The following SYT14 variants were observed in gnomAD, a reference collection of about 807,000 sequenced individuals.
The protein encoded by SYT14 is synaptotagmin-14.
A neutral mutation model predicts 74.2 loss-of-function variants in SYT14; 32 were observed. The ratio of observed to expected loss-of-function variants is 0.43; its 90% CI spans 0.33 to 0.58. SYT14 has a LOEUF of 0.58. SYT14 is among the 20% of genes least tolerant of loss of function. The pLI is 0.05. For missense variants in SYT14, 791 were observed against 981.8 expected, an observed-to-expected ratio of 0.81 and a Z score of 2.60; for synonymous variants, 298 against 337.7, an observed-to-expected ratio of 0.88 and a Z score of 1.29.
chr1:210,091,901 A>AAT (rs2102517838), intron 5 of SYT14, among the ~76,000 whole-genome samples: 2 of 152,310 alleles, frequency 1.3e-5, no homozygotes, highest in African/African-American at 4.8e-5. Context: ...TCTGTGAGGC[A>AAT]ATATGCTCAA....
At chr1:210,018,542 T>C (rs2080235334) in intron 4 of SYT14, among the ~76,000 whole-genome samples, 1 of 152,158 alleles carries the variant, frequency 6.6e-6, no homozygotes, top group Admixed American at 6.5e-5. Flanking sequence ...TGTAAAATAG[T>C]TTACATATTA....
chr1:209,958,799 T>C (rs1187755405), intron 2 of SYT14, among the ~76,000 whole-genome samples: 1 of 152,240 alleles, frequency 6.6e-6, no homozygotes, highest in Non-Finnish European at 1.5e-5. Context: ...TTTCTAGTTA[T>C]ACTTTTTATT....
intron 2 of SYT14, among the ~76,000 whole-genome samples, chr1:209,969,822 T>C (rs1256863572): frequency 6.6e-6 from 1 of 152,170 alleles, no homozygotes; most frequent in Non-Finnish European, 1.5e-5. Flanking sequence ...ATTAGTGATA[T>C]TGACCATTTT....
At chr1:210,091,326 A>G (rs2081862898) in intron 5 of SYT14, among the ~76,000 whole-genome samples, 1 of 152,226 alleles carries the variant, frequency 6.6e-6, no homozygotes, top group Non-Finnish European at 1.5e-5. Context: ...TGGCATATCA[A>G]AAGGAACCTC....
chr1:210,037,105 A>G (rs568774596), intron 5 of SYT14, among the ~76,000 whole-genome samples: 2 of 151,956 alleles, frequency 1.3e-5, no homozygotes, highest in African/African-American at 4.8e-5. Flanking sequence ...GTTCAGTCTC[A>G]CCACTCATTA....
intron 2 of SYT14, among the ~76,000 whole-genome samples, chr1:209,980,101 T>C (rs1207985751): frequency 6.6e-6 from 1 of 152,172 alleles, no homozygotes; most frequent in Non-Finnish European, 1.5e-5. Flanking sequence ...CCTTTTTCTC[T>C]AGAACCATGC....
intron 7 of SYT14, among the ~76,000 whole-genome samples, chr1:210,102,096 AT>A (rs943466289): frequency 5.9e-5 from 9 of 152,014 alleles, no homozygotes; most frequent in Non-Finnish European, 1.0e-4. Context: ...CATAACATTT[AT>A]TTTTTTTAAC....
intron 7 of SYT14, among the ~76,000 whole-genome samples, chr1:210,149,138 G>A (rs1421340414): frequency 6.7e-6 from 1 of 149,172 alleles, no homozygotes; most frequent in Non-Finnish European, 1.5e-5. Context: ...AAGTGCATAT[G>A]TATATATACA....
At chr1:210,134,665 C>A (rs73074132) in intron 7 of SYT14, among the ~76,000 whole-genome samples, 1,801 of 152,156 alleles carry the variant, frequency 0.012, 46 homozygotes, top group African/African-American at 0.041. Context: ...CCTTTCTGCC[C>A]CTACCCCTAA....
At chr1:210,004,256 G>A (rs374705510) in intron 2 of SYT14, among the ~76,000 whole-genome samples, 12 of 151,772 alleles carry the variant, frequency 7.9e-5, no homozygotes, top group South Asian at 4.2e-4. Context: ...TTAATATATT[G>A]AGGTCCTTAG....
chr1:209,976,672 T>G (rs1215517819), intron 2 of SYT14, among the ~76,000 whole-genome samples: 1 of 152,152 alleles, frequency 6.6e-6, no homozygotes, highest in Non-Finnish European at 1.5e-5. Flanking sequence ...GAGAAGAATG[T>G]ATGTTCTGTT....
intron 5 of SYT14, among the ~76,000 whole-genome samples, chr1:210,048,729 C>G (rs1008683418): frequency 6.6e-6 from 1 of 152,174 alleles, no homozygotes; most frequent in Admixed American, 6.5e-5. Flanking sequence ...AACGGTCCCC[C>G]AGAGTCTTGT....
intron 2 of SYT14, among the ~76,000 whole-genome samples, chr1:209,980,883 T>G (rs960321228): frequency 2.0e-5 from 3 of 152,374 alleles, no homozygotes; most frequent in Middle Eastern, 3.4e-3. Flanking sequence ...GGTAGCATGC[T>G]GCCTGCAACT....
chr1:210,010,280 T>G (rs967911296), intron 2 of SYT14, among the ~76,000 whole-genome samples: 2 of 152,186 alleles, frequency 1.3e-5, no homozygotes, highest in Non-Finnish European at 2.9e-5. Context: ...TCTTAATCTT[T>G]CCTGAATACA....
At chr1:209,974,205 T>C (rs1308380653) in intron 2 of SYT14, among the ~76,000 whole-genome samples, 7 of 151,958 alleles carry the variant, frequency 4.6e-5, no homozygotes, top group Admixed American at 1.3e-4. Context: ...TGCAGAAGCT[T>C]TTTAGTTTAG....
chr1:210,154,284 G>T, intron 7 of SYT14, among the ~76,000 whole-genome samples: 1 of 152,232 alleles, frequency 6.6e-6, no homozygotes, highest in South Asian at 2.1e-4. Flanking sequence ...CCAGTCCATG[G>T]CCTGTTAGGA....
At chr1:209,956,185 A>G (rs2078988766) in intron 2 of SYT14, among the ~76,000 whole-genome samples, 2 of 152,086 alleles carry the variant, frequency 1.3e-5, no homozygotes, top group Admixed American at 1.3e-4. Context: ...CTCCTATATC[A>G]TATATCCCTA....
chr1:210,144,272 A>C (rs2082983303), intron 7 of SYT14, among the ~76,000 whole-genome samples: 1 of 152,232 alleles, frequency 6.6e-6, no homozygotes, highest in South Asian at 2.1e-4. Flanking sequence ...CAGAAATGAC[A>C]GGTAAATCTT....
chr1:210,169,221 G>GTTTTGTTTTTTTTTT lies in SYT14; in HGVS notation c.*8183_*8184insGTTTTTTTTTTTTTT, dbSNP rs2083492384. On this transcript the variant is annotated 3_prime_UTR_variant, in exon 10 of 10. Transcript: ENST00000637265. Reference sequence around the variant, plus strand: ...CTTTTTTGGTTTTTATGTTTTTGGTGTTTTTTTTTTTTTTTTTTTTTTTTT... The same window carrying GTTTTGTTTTTTTTTT: ...CTTTTTTGGTTTTTATGTTTTTGGTGTTTTGTTTTTTTTTTTTTTTTTTTTTTTTTTTTTTTTTTT... 1.4e-4 allele frequency: 7 copies of GTTTTGTTTTTTTTTT among 50,246 alleles called. 1 individual carries two copies. The highest frequency in any genetic ancestry group is 1.9e-4 in the Non-Finnish European group (5 of 26,194). 3.1% of individuals were successfully genotyped at this position (50,246 alleles called of 1,614,324 possible). A position where few individuals can be genotyped will look rare whatever the true frequency, so the allele number is the denominator to read the frequency against.
Sources: gnomAD v4.1 joint callset for allele counts (sites outside exome capture counted in the v4.1 genomes callset) on GRCh38, gnomAD v4.1.1 for gene constraint, MANE v1.5 for transcripts, NCBI Gene and HGNC (gene_info 2026-07-23, HGNC 2026-07-21) for gene names.